DYNC1H1: variants seen among roughly 807,000 people sequenced by gnomAD.
The protein encoded by DYNC1H1 is dynein cytoplasmic 1 heavy chain 1.
In DYNC1H1, 51 loss-of-function variants were observed where a neutral mutation model predicts 527.1. That is an observed-to-expected ratio of 0.10 (90% CI 0.08 to 0.12). The LOEUF is 0.12. Ranked by LOEUF, DYNC1H1 falls within the 10% of genes least tolerant of loss-of-function variation. The probability of loss-of-function intolerance (pLI) is 1.00; values close to 1 mark genes in which losing one functional copy is unlikely to be tolerated. For synonymous variants in DYNC1H1, 2,189 were observed against 2,278.8 expected (o/e 0.96, Z 1.12); for missense variants, 2,771 against 5,971.8 (o/e 0.46, Z 17.66).
In DYNC1H1 at chr14:102,039,942, A is replaced by G. The variant is rs539208768; in HGVS notation, c.11690+210A>G. On this transcript the variant is annotated intron_variant, in intron 62 of 77. Coordinates refer to ENST00000360184, the MANE Select transcript of DYNC1H1 (RefSeq NM_001376.5). The surrounding 1 kb of genome is among the most constrained non-coding windows in gnomAD (Gnocchi z 7.0). Reference sequence around the variant, plus strand: ...AACCTCCACCTCCCAGGTTCAAGCAATTCTCCTGCTTCAGTCTCCGAAGTA... The same window carrying G: ...AACCTCCACCTCCCAGGTTCAAGCAGTTCTCCTGCTTCAGTCTCCGAAGTA... Among the ~76,000 whole-genome samples the G allele has an allele frequency of 4.8e-4, 73 of 152,222 alleles. 1 individual carries two copies. In the South Asian group the frequency reaches 6.2e-3, roughly 13 times the overall value.
intron 11 of DYNC1H1, 39 bp from the exon 12 acceptor site, chr14:101,994,145 T>TGGTAATGAATTCATGGTAATGA: frequency 6.2e-7 from 1 of 1,614,134 alleles, no homozygotes; most frequent in Non-Finnish European, 8.5e-7. Context: ...ACCATTTTCA[T>TGGTAATGAATTCATGGTAATGA]ATACACTGCT....
In DYNC1H1 at chr14:102,040,132, A is replaced by T. The variant is rs553218226; in HGVS notation, c.11691-104A>T. 4.0e-6 allele frequency: 6 copies of T among 1,492,596 alleles called. No homozygotes were observed. In the East Asian group the frequency reaches 1.4e-4, roughly 34 times the overall value. 92.5% of individuals were successfully genotyped at this position (1,492,596 alleles called of 1,614,324 possible). ...AGTGCTGAGATTATAGGCCTGAGCC[A>T]CTGTGCCCGGCCTGTTTTCTCTTTT... On this transcript the variant is annotated intron_variant, in intron 62 of 77. Coordinates refer to ENST00000360184, the MANE Select transcript of DYNC1H1 (RefSeq NM_001376.5).
rs780744235 is a variant in DYNC1H1 at position 102,044,720 on chromosome 14, C to A, written c.13006+22C>A. 4.3e-6 allele frequency: 7 copies of A among 1,612,306 alleles called. No homozygotes were observed. Among genetic ancestry groups the A allele is most frequent in the East Asian group, 4.5e-5 (2 of 44,826 alleles). On this transcript the variant is annotated intron_variant, in intron 72 of 77. Transcript: ENST00000360184. This position sits in a 1 kb window ranked among gnomAD's most constrained non-coding sequence, Gnocchi z 7.1. ...CAGGGTAGGCAACAAGGATCCTCCC[C>A]ACACGCAGGGTGGGTGGCGAGGGTC... is the stretch of plus-strand genomic sequence containing the variant.
chr14:102,047,641 G>GTGTATA, intron 72 of DYNC1H1, 176 bp from the exon 73 acceptor site: 115 of 316,704 alleles, frequency 3.6e-4, no homozygotes, highest in African/African-American at 3.4e-3. Flanking sequence ...GTGTGTGTGT[G>GTGTATA]TATATATATA....
intron 73 of DYNC1H1, 191 bp from the exon 74 acceptor site, chr14:102,048,325 C>T (rs1350841778): frequency 4.9e-6 from 4 of 822,396 alleles, no homozygotes; most frequent in South Asian, 1.7e-5. Flanking sequence ...GCAGGGGCCT[C>T]AGCGGGTTTC....
intron 10 of DYNC1H1, among the ~76,000 whole-genome samples, chr14:101,991,060 G>A (rs952489614): frequency 1.3e-5 from 2 of 151,818 alleles, no homozygotes; most frequent in African/African-American, 4.8e-5. Flanking sequence ...GTGCACGCCT[G>A]TGGTCCCGGC....
At position 102,044,991 on chromosome 14, in the gene DYNC1H1, A is replaced by G. The variant is rs2048698752; in HGVS notation, c.13006+293A>G. 2 of 464,240 alleles carry G rather than the reference A, an allele frequency of 4.3e-6. No homozygotes were observed. The highest frequency in any genetic ancestry group is 8.0e-6 in the Non-Finnish European group (2 of 251,370). 28.8% of individuals were successfully genotyped at this position (464,240 alleles called of 1,614,324 possible). ...AAATGAGCCTAGAAATAACATTTAG[A>G]TGTTCATCTCATATTGAAAAGCAGT... On this transcript the variant is annotated intron_variant, in intron 72 of 77. Coordinates refer to ENST00000360184, the MANE Select transcript of DYNC1H1 (RefSeq NM_001376.5). The surrounding 1 kb of genome is among the most constrained non-coding windows in gnomAD (Gnocchi z 7.1).
At position 102,002,974 on chromosome 14, in the gene DYNC1H1, C is replaced by T; in HGVS notation, c.4883+9C>T. On this transcript the variant is annotated intron_variant, in intron 23 of 77. Coordinates refer to ENST00000360184, the MANE Select transcript of DYNC1H1 (RefSeq NM_001376.5). The surrounding 1 kb of genome is among the most constrained non-coding windows in gnomAD (Gnocchi z 4.4). ...CGGTCATCTTTCCCCAGGTAAGATC[C>T]TTGCTTTGACTTGGCCTGGAGTCAA... 2 of 1,613,862 alleles carry T rather than the reference C, an allele frequency of 1.2e-6. No individual in the cohort carries two copies. The highest frequency in any genetic ancestry group is 2.7e-5 in the African/African-American group (2 of 75,038).
chr14:102,029,437 C>T lies in DYNC1H1; in HGVS notation c.9469-102C>T, dbSNP rs2048485726. 2.8e-5 allele frequency: 43 copies of T among 1,516,622 alleles called. No homozygotes were observed. Among genetic ancestry groups the T allele is most frequent in the Non-Finnish European group, 3.5e-5 (39 of 1,105,310 alleles). The allele number at this position is 1,516,622 out of a possible 1,614,324, so 93.9% of individuals were successfully genotyped here. On this transcript the variant is annotated intron_variant, in intron 48 of 77. Transcript: ENST00000360184. This position sits in a 1 kb window ranked among gnomAD's most constrained non-coding sequence, Gnocchi z 5.3. ...GTGTTCTGGCCCCGAGGGCCAGGCT[C>T]CTTCTATCATGTCACACCCATCTGC...
Position 102,011,769 on chromosome 14 carries a change from C to T in DYNC1H1, c.6619-106C>T. ...TCCGTTTCAGGAAAAAAAAAAAAAT[C>T]CACACATAATGTTTCTTGCTCACTT... On this transcript the variant is annotated intron_variant, in intron 32 of 77. Coordinates refer to ENST00000360184, the MANE Select transcript of DYNC1H1 (RefSeq NM_001376.5). This position sits in a 1 kb window ranked among gnomAD's most constrained non-coding sequence, Gnocchi z 5.3. 1.6e-6 allele frequency: 2 copies of T among 1,237,410 alleles called. No homozygotes were observed. The highest frequency in any genetic ancestry group is 2.4e-5 in the East Asian group (1 of 42,464). The allele number at this position is 1,237,410 out of a possible 1,614,324, so 76.7% of individuals were successfully genotyped here. A position where few individuals can be genotyped will look rare whatever the true frequency, so the allele number is the denominator to read the frequency against.
At chr14:101,993,023 C>T (rs373674965) in intron 11 of DYNC1H1, among the ~76,000 whole-genome samples, 5 of 151,804 alleles carry the variant, frequency 3.3e-5, no homozygotes, top group Non-Finnish European at 5.9e-5. Flanking sequence ...ACCTTTCTCC[C>T]TACTCCAGGC....
At position 102,041,789 on chromosome 14, in the gene DYNC1H1, G is replaced by T. The variant is rs2048653924; in HGVS notation, c.12102+55G>T. The T allele has an allele frequency of 6.2e-7, 1 of 1,611,814 alleles. No homozygotes were observed. ...ACGAGACTCCATGCCCACCTCCCCA[G>T]CCACAGGTGGCAGCAGCCCTGGCAT... is the stretch of plus-strand genomic sequence containing the variant. On this transcript the variant is annotated intron_variant, in intron 65 of 77. Transcript: ENST00000360184. This position sits in a 1 kb window ranked among gnomAD's most constrained non-coding sequence, Gnocchi z 4.5.
rs2152586433 is a variant in DYNC1H1, at chr14:102,022,853, C to T, written c.8610C>T (p.Pro2870=). 6.2e-7 allele frequency: 1 copy of T among 1,614,260 alleles called. No individual in the cohort carries two copies. The highest frequency in any genetic ancestry group is 8.5e-7 in the Non-Finnish European group (1 of 1,180,052). The change falls in exon 43 of 78, where the codon CCC becomes CCT. Residue 2870 remains proline, a synonymous_variant. Coordinates refer to ENST00000360184, the MANE Select transcript of DYNC1H1 (RefSeq NM_001376.5). The part of the protein sequence containing the change: ...NIDREKAMSR[P]ILYSNWLSKD... ...ACAGAGAGAAGGCAATGAGCCGACCCATCTTGTACAGCAACTGGCTGTCAA... is the reference window on the plus strand; with the variant it reads ...ACAGAGAGAAGGCAATGAGCCGACCTATCTTGTACAGCAACTGGCTGTCAA...
chr14:102,000,379 G>A lies in DYNC1H1; in HGVS notation c.4054G>A (p.Val1352Ile), dbSNP rs750180922. The A allele has an allele frequency of 6.2e-7, 1 of 1,613,990 alleles. No homozygotes were observed. ...CGATCAGATGAAGGAGCAACCCTGG[G>A]TTTCAGTACAGCCTCGAAAGGTATA... ...QIDQMKEQPW[V>I]SVQPRKLRQN... The change falls in exon 18 of 78, where the codon GTT becomes ATT. Residue 1352 changes from valine to isoleucine, a missense_variant. Physicochemically the swap from Val to Ile is conservative, Grantham distance 29. Coordinates refer to ENST00000360184, the MANE Select transcript of DYNC1H1 (RefSeq NM_001376.5).
intron 1 of DYNC1H1, among the ~76,000 whole-genome samples, chr14:101,972,368 C>CT (rs2047749035): frequency 6.6e-6 from 1 of 152,212 alleles, no homozygotes; most frequent in African/African-American, 2.4e-5. Context: ...CACAGAAAGA[C>CT]TAGTCCAAGA....
rs2048076610 is a variant in DYNC1H1, at chr14:101,997,473, A to G, written c.3804+199A>G. Among the ~76,000 whole-genome samples the G allele has an allele frequency of 6.6e-6, 1 of 152,236 alleles. No homozygotes were observed. Among genetic ancestry groups the G allele is most frequent in the African/African-American group, 2.4e-5 (1 of 41,472 alleles). On this transcript the variant is annotated intron_variant, in intron 16 of 77. Coordinates refer to ENST00000360184, the MANE Select transcript of DYNC1H1 (RefSeq NM_001376.5). This position sits in a 1 kb window ranked among gnomAD's most constrained non-coding sequence, Gnocchi z 4.8. ...CAGCTTAGACCTCTTTTTACTCAGA[A>G]TGGCATTCAGTAGCTGGTTTTAAGG...
At chr14:102,000,920 C>A in intron 18 of DYNC1H1, 34 bp from the exon 19 acceptor site, 1 of 1,569,242 alleles carries the variant, frequency 6.4e-7, no homozygotes, top group Non-Finnish European at 8.8e-7. Flanking sequence ...GAAATGTTGG[C>A]AAGCTAAATA....
At chr14:102,035,704 C>T (rs531526302) in intron 56 of DYNC1H1, 3 of 152,284 alleles carry the variant, frequency 2.0e-5, no homozygotes, top group Non-Finnish European at 4.4e-5. Flanking sequence ...GCAGAGCGGA[C>T]AGTAGAGGCC....
intron 51 of DYNC1H1, among the ~76,000 whole-genome samples, chr14:102,031,307 C>T (rs894271174): frequency 3.3e-5 from 5 of 152,150 alleles, no homozygotes; most frequent in Non-Finnish European, 5.9e-5. Flanking sequence ...AACCATGGCT[C>T]ACTGTAGCCT....
Sources: allele counts gnomAD v4.1 joint callset (sites outside exome capture counted in the v4.1 genomes callset), GRCh38; gene constraint gnomAD v4.1.1; non-coding constraint Gnocchi (gnomAD v3.1); transcripts MANE v1.5; gene names NCBI Gene and HGNC (gene_info 2026-07-23, HGNC 2026-07-21).